Variants in APOO observed in about 807,000 individuals in gnomAD.
APOO encodes apolipoprotein O, also known as MICOS complex subunit MIC26.
A neutral mutation model predicts 23.1 loss-of-function variants in APOO; 11 were observed. That is an observed-to-expected ratio of 0.48 (90% CI 0.30 to 0.79). APOO has a LOEUF of 0.79. Ranked by LOEUF, APOO falls within the 30% of genes least tolerant of loss-of-function variation. The pLI is 0.07. For missense variants in APOO, 160 were observed against 142.7 expected (o/e 1.12, Z -0.62); for synonymous variants, 59 against 54.8 (o/e 1.08, Z -0.34).
At chrX:23,906,687 T>C (rs1927372392) in intron 1 of APOO, among the ~76,000 whole-genome samples, 1 of 112,501 alleles carries the variant, frequency 8.9e-6, no homozygotes, top group Non-Finnish European at 1.9e-5. Flanking sequence ...GAGCAAATAC[T>C]AGGCCTTTTC....
chrX:23,861,979 T>G (rs1305389567), intron 5 of APOO, among the ~76,000 whole-genome samples: 1 of 109,497 alleles, frequency 9.1e-6, no homozygotes, highest in Non-Finnish European at 1.9e-5. Flanking sequence ...ATTTTTTGTA[T>G]TTTTAGTAGA....
chrX:23,880,250 C>A (rs1004978786), intron 2 of APOO, among the ~76,000 whole-genome samples: 8 of 110,628 alleles, frequency 7.2e-5, no homozygotes, highest in Non-Finnish European at 1.5e-4. Context: ...GTGCTTATAA[C>A]CTGTTGGGAC....
intron 3 of APOO, among the ~76,000 whole-genome samples, chrX:23,878,185 C>A (rs370006197): frequency 1.3e-4 from 14 of 111,987 alleles, no homozygotes; most frequent in African/African-American, 4.5e-4. Context: ...AGAAAAACTT[C>A]GCAATTTTTA....
intron 1 of APOO, among the ~76,000 whole-genome samples, chrX:23,905,251 C>T (rs923630117): frequency 9.1e-6 from 1 of 109,394 alleles, no homozygotes; most frequent in African/African-American, 3.3e-5. Context: ...ATTAGCCAGG[C>T]GTGGTGGCGG....
At chrX:23,845,105 T>C (rs1039367224) in intron 7 of APOO, among the ~76,000 whole-genome samples, 1 of 112,135 alleles carries the variant, frequency 8.9e-6, no homozygotes, top group African/African-American at 3.2e-5. Context: ...CTTAGTCCAC[T>C]GGACAACGCT....
At chrX:23,856,554 A>AT (rs373801710) in intron 6 of APOO, among the ~76,000 whole-genome samples, 172 bp from the exon 7 acceptor site, 1,143 of 103,061 alleles carry the variant, frequency 0.011, 17 homozygotes, top group African/African-American at 0.034. Flanking sequence ...TCAATGGTAG[A>AT]TTTTTTTTTT....
At chrX:23,877,446 G>A (rs140740667) in intron 3 of APOO, among the ~76,000 whole-genome samples, 1,715 of 111,860 alleles carry the variant, frequency 0.015, 19 homozygotes, top group Non-Finnish European at 0.024. Flanking sequence ...CATAGGCAAC[G>A]GAAATTAAAA....
At chrX:23,876,420 CAAAAAA>C (rs765596295) in intron 3 of APOO, among the ~76,000 whole-genome samples, 1 of 43,329 alleles carries the variant, frequency 2.3e-5, no homozygotes. Flanking sequence ...TTGTCTCTAC[CAAAAAA>C]AAAAAAAAAA....
chrX:23,879,876 C>T (rs979959734), intron 2 of APOO, among the ~76,000 whole-genome samples: 2 of 110,963 alleles, frequency 1.8e-5, no homozygotes, highest in Non-Finnish European at 3.8e-5. Flanking sequence ...GCCTGAGAAG[C>T]GAGTAAAGGG....
At chrX:23,870,640 A>T (rs1047472241) in intron 4 of APOO, among the ~76,000 whole-genome samples, 1 of 108,095 alleles carries the variant, frequency 9.3e-6, no homozygotes, top group Non-Finnish European at 1.9e-5. Flanking sequence ...TAAAAAAAAA[A>T]ATTAGCCAGG....
intron 6 of APOO, 34 bp downstream of exon 6, chrX:23,858,608 T>C (rs748931651): frequency 8.7e-6 from 10 of 1,147,595 alleles, no homozygotes; most frequent in Admixed American, 7.0e-5. Flanking sequence ...CAAACAAGAA[T>C]GAGGGACATC....
chrX:23,848,363 C>T (rs1924354351), intron 7 of APOO, among the ~76,000 whole-genome samples: 1 of 110,176 alleles, frequency 9.1e-6, no homozygotes, highest in African/African-American at 3.3e-5. Context: ...GGGGTTTCAC[C>T]CTGTTGGCCA....
intron 6 of APOO, 103 bp from the exon 7 acceptor site, chrX:23,856,485 C>T: frequency 1.6e-6 from 1 of 616,531 alleles, no homozygotes; most frequent in Non-Finnish European, 2.6e-6. Context: ...TATATGCATG[C>T]ATATGTTCAT....
At chrX:23,869,640 G>GAAAAAA (rs761388017) in intron 4 of APOO, among the ~76,000 whole-genome samples, 10 of 33,883 alleles carry the variant, frequency 3.0e-4, no homozygotes, top group Admixed American at 4.3e-4. Context: ...CTCTTAAAAA[G>GAAAAAA]AAAAAAAAAA....
chrX:23,888,593 C>T (rs1926475750), intron 1 of APOO, among the ~76,000 whole-genome samples: 1 of 110,940 alleles, frequency 9.0e-6, no homozygotes. Flanking sequence ...TGGCTCACGC[C>T]TATAATCCCA....
At chrX:23,876,727 AG>A (rs1872624609) in intron 3 of APOO, among the ~76,000 whole-genome samples, 1 of 111,663 alleles carries the variant, frequency 9.0e-6, no homozygotes, top group Admixed American at 9.6e-5. Context: ...TGAACCCGGG[AG>A]GCGGAGGTTG....
chrX:23,891,614 G>T (rs1224828249), intron 1 of APOO, among the ~76,000 whole-genome samples: 4 of 111,793 alleles, frequency 3.6e-5, no homozygotes, highest in Admixed American at 1.9e-4. Flanking sequence ...CCTCAGGCTT[G>T]TGTGTTTCCT....
chrX:23,903,183 C>G (rs1326668312), intron 1 of APOO, among the ~76,000 whole-genome samples: 1 of 111,034 alleles, frequency 9.0e-6, no homozygotes. Flanking sequence ...GCCTGGCCAG[C>G]ATGGTGAAGC....
intron 5 of APOO, among the ~76,000 whole-genome samples, chrX:23,863,230 A>T (rs1401551703): frequency 1.8e-5 from 2 of 111,950 alleles, no homozygotes; most frequent in African/African-American, 6.5e-5. Context: ...GCTAACTGGG[A>T]GGTTGAGGCG....
Sources: gnomAD v4.1 joint callset for allele counts (sites outside exome capture counted in the v4.1 genomes callset) on GRCh38, gnomAD v4.1.1 for gene constraint, MANE v1.5 for transcripts, NCBI Gene and HGNC (gene_info 2026-07-23, HGNC 2026-07-21) for gene names.